Variants in CRIM1 observed in about 807,000 individuals in gnomAD.
The protein encoded by CRIM1 is cysteine rich transmembrane BMP regulator 1.
A neutral mutation model predicts 116.4 loss-of-function variants in CRIM1; 32 were observed. The observed-to-expected ratio is 0.27, with a 90% CI of 0.21 to 0.37. CRIM1 has a LOEUF of 0.37. Ranked by LOEUF, CRIM1 falls within the 10% of genes least tolerant of loss-of-function variation. The pLI, the probability that CRIM1 is intolerant of heterozygous loss-of-function variation, is 1.00. For missense variants in CRIM1, 1,331 were observed against 1,354.8 expected, an observed-to-expected ratio of 0.98 and a Z score of 0.28; for synonymous variants, 590 against 509.2, an observed-to-expected ratio of 1.16 and a Z score of -2.13.
chr2:36,416,162 C>G (rs1326357960), intron 2 of CRIM1, among the ~76,000 whole-genome samples: 1 of 151,894 alleles, frequency 6.6e-6, no homozygotes, highest in East Asian at 1.9e-4. Context: ...GAGCAGAGAT[C>G]GTGCCACTGC....
intron 12 of CRIM1, among the ~76,000 whole-genome samples, chr2:36,519,185 T>C (rs150910234): frequency 1.8e-3 from 271 of 152,278 alleles, no homozygotes; most frequent in African/African-American, 6.2e-3. Context: ...CTGAAATTCA[T>C]TGATGGGACA....
intron 7 of CRIM1, among the ~76,000 whole-genome samples, chr2:36,483,972 T>A (rs1029592063): frequency 6.6e-6 from 1 of 152,206 alleles, no homozygotes; most frequent in African/African-American, 2.4e-5. Context: ...AAGAGTGTTA[T>A]GGAAGTGTGT....
chr2:36,509,226 A>T (rs1263142148), intron 8 of CRIM1, among the ~76,000 whole-genome samples: 1 of 152,180 alleles, frequency 6.6e-6, no homozygotes, highest in Non-Finnish European at 1.5e-5. Context: ...ATTTAAAAAC[A>T]TGCGTTATGG....
intron 4 of CRIM1, among the ~76,000 whole-genome samples, chr2:36,450,463 T>C (rs1256593402): frequency 1.3e-5 from 2 of 152,218 alleles, no homozygotes; most frequent in Non-Finnish European, 2.9e-5. Flanking sequence ...CATGGACAAG[T>C]TTTAGGTTCT....
At chr2:36,450,238 C>CA (rs1676599858) in intron 4 of CRIM1, among the ~76,000 whole-genome samples, 1 of 152,158 alleles carries the variant, frequency 6.6e-6, no homozygotes, top group South Asian at 2.1e-4. Flanking sequence ...CTGGTGCCCA[C>CA]ACAGGCTCAC....
chr2:36,365,624 G>T (rs145866762), intron 1 of CRIM1, among the ~76,000 whole-genome samples: 1 of 152,332 alleles, frequency 6.6e-6, no homozygotes, highest in East Asian at 1.9e-4. Context: ...TTGTGATATA[G>T]TGCGGGGTAG....
At chr2:36,520,557 A>G (rs1300347495) in intron 12 of CRIM1, among the ~76,000 whole-genome samples, 2 of 152,170 alleles carry the variant, frequency 1.3e-5, no homozygotes, top group Non-Finnish European at 2.9e-5. Context: ...CATATCTGTA[A>G]TAGGACCTAG....
In CRIM1 at chr2:36,549,710, A is replaced by G. The variant is rs2125205872; in HGVS notation, c.*1009A>G. 6.6e-6 allele frequency: 1 copy of G among 152,530 alleles called. No homozygotes were observed. Among genetic ancestry groups the G allele is most frequent in the African/African-American group, 2.4e-5 (1 of 41,540 alleles). 9.4% of individuals were successfully genotyped at this position (152,530 alleles called of 1,614,324 possible). On this transcript the variant is annotated 3_prime_UTR_variant, in exon 17 of 17. Transcript: ENST00000280527. Reference sequence around the variant, plus strand: ...ATAGAAACTACTTCATTTTAATTGTATATTATTCAAGCACCTTTGTTGAAG... The same window carrying G: ...ATAGAAACTACTTCATTTTAATTGTGTATTATTCAAGCACCTTTGTTGAAG...
At chr2:36,413,204 T>C (rs886820036) in intron 2 of CRIM1, among the ~76,000 whole-genome samples, 5 of 152,134 alleles carry the variant, frequency 3.3e-5, no homozygotes, top group African/African-American at 1.2e-4. Context: ...ATTCTGCTTG[T>C]TAAATGTCAG....
chr2:36,537,258 G>C (rs1179207968), intron 13 of CRIM1, 94 bp from the exon 14 acceptor site: 1 of 1,177,726 alleles, frequency 8.5e-7, no homozygotes, highest in Non-Finnish European at 1.2e-6. Flanking sequence ...AGCATACTGT[G>C]ATTATACAAA....
rs544980993 is a variant in CRIM1, at chr2:36,472,453, C to G, written c.992-4436C>G. The stretch of plus-strand genomic sequence containing the variant: ...GTTTCCAGGCTGTGTTTTTAGGATT[C>G]TCCATCTTTCTCACTTCCACTCCCT... On this transcript the variant is annotated intron_variant, in intron 5 of 16. Transcript: ENST00000280527. Among the ~76,000 whole-genome samples, 7 of 152,262 alleles carry G rather than the reference C, an allele frequency of 4.6e-5. No individual in the cohort carries two copies. In the East Asian group the frequency reaches 1.4e-3, roughly 29 times the overall value.
intron 8 of CRIM1, among the ~76,000 whole-genome samples, chr2:36,503,152 T>G (rs1162277173): frequency 6.6e-6 from 1 of 152,104 alleles, no homozygotes; most frequent in Non-Finnish European, 1.5e-5. Flanking sequence ...AATTTCCAGG[T>G]CCTGGGTTTT....
chr2:36,486,559 C>G (rs913434108), intron 7 of CRIM1, among the ~76,000 whole-genome samples: 1 of 152,160 alleles, frequency 6.6e-6, no homozygotes, highest in African/African-American at 2.4e-5. Context: ...ATTAGAAATT[C>G]CTCTGCCCCT....
intron 8 of CRIM1, among the ~76,000 whole-genome samples, chr2:36,505,361 T>A (rs1681318597): frequency 6.7e-6 from 1 of 150,314 alleles, no homozygotes; most frequent in Non-Finnish European, 1.5e-5. Context: ...TAAACAAGAG[T>A]TAAGTTCCTA....
At chr2:36,405,921 T>A (rs1346663117) in intron 2 of CRIM1, among the ~76,000 whole-genome samples, 2 of 152,210 alleles carry the variant, frequency 1.3e-5, no homozygotes, top group Non-Finnish European at 2.9e-5. Flanking sequence ...GGGACTCGGA[T>A]GCTGGAAAAA....
intron 2 of CRIM1, among the ~76,000 whole-genome samples, chr2:36,422,331 A>G (rs993392893): frequency 6.6e-6 from 1 of 152,106 alleles, no homozygotes; most frequent in African/African-American, 2.4e-5. Flanking sequence ...AGTACTATAT[A>G]TGTGGGGATA....
At position 36,464,538 on chromosome 2, in the gene CRIM1, G is replaced by A. The variant is rs372989532; in HGVS notation, c.874G>A (p.Glu292Lys). Residue 292 changes from glutamate (E) to lysine (K), a missense_variant, in exon 5 of 17, where the codon GAG (glutamate) becomes AAG (lysine). Glu to Lys is a moderately conservative substitution (Grantham distance 56, BLOSUM62 1). Transcript: ENST00000280527. Reference sequence around the variant, plus strand: ...TTCCCTTTTCTTTGGTTTCAGATGCGAGTGTCTCTCTGGCTTATGTGGTTT... The same window carrying A: ...TTCCCTTTTCTTTGGTTTCAGATGCAAGTGTCTCTCTGGCTTATGTGGTTT... ...DGCCTLPTRC[E>K]CLSGLCGFPV... is the part of the protein sequence containing the mutation. 4.8e-5 allele frequency: 78 copies of A among 1,613,868 alleles called. 1 individual carries two copies. The highest frequency in any genetic ancestry group is 4.8e-4 in the South Asian group (44 of 91,070).
intron 5 of CRIM1, among the ~76,000 whole-genome samples, chr2:36,468,702 G>A (rs1174166398): frequency 6.6e-6 from 1 of 152,192 alleles, no homozygotes; most frequent in Non-Finnish European, 1.5e-5. Flanking sequence ...AGCTGGAGCT[G>A]GACAATGGCC....
At position 36,499,286 on chromosome 2, in the gene CRIM1, G is replaced by A. The variant is rs752139638; in HGVS notation, c.1440G>A (p.Lys480=). 6.2e-7 allele frequency: 1 copy of A among 1,613,798 alleles called. No homozygotes were observed. The highest frequency in any genetic ancestry group is 8.5e-7 in the Non-Finnish European group (1 of 1,179,700). The part of the protein sequence containing the change: ...GELSNCTLTG[K]DCINGFKRDH... Reference sequence around the variant, plus strand: ...TATCAAACTGCACTCTGACAGGGAAGGACTGCATTAATGGTTTCAAACGCG... The same window carrying A: ...TATCAAACTGCACTCTGACAGGGAAAGACTGCATTAATGGTTTCAAACGCG... Residue 480 remains lysine, a synonymous_variant, in exon 8 of 17, where the codon AAG becomes AAA. Transcript: ENST00000280527.
Sources: gnomAD v4.1 joint callset for allele counts (sites outside exome capture counted in the v4.1 genomes callset) on GRCh38, gnomAD v4.1.1 for gene constraint, MANE v1.5 for transcripts, NCBI Gene and HGNC (gene_info 2026-07-23, HGNC 2026-07-21) for gene names.